The following TRIML1 variants were observed in gnomAD, a reference collection of about 807,000 sequenced individuals.
TRIML1 encodes the protein probable E3 ubiquitin-protein ligase TRIML1.
In TRIML1, 34 loss-of-function variants were observed where a neutral mutation model predicts 32.3. The ratio of observed to expected loss-of-function variants is 1.05; its 90% CI spans 0.80 to 1.40. The LOEUF is 1.40. Ranked by LOEUF, TRIML1 falls within the 40% of genes most tolerant of loss-of-function variation. The probability of loss-of-function intolerance (pLI) is 0.00; values close to 1 mark genes in which losing one functional copy is unlikely to be tolerated. For synonymous variants in TRIML1, 244 were observed against 226.6 expected, an observed-to-expected ratio of 1.08 and a Z score of -0.69; for missense variants, 595 against 574.9, an observed-to-expected ratio of 1.03 and a Z score of -0.36.
At chr4:188,143,402 T>A in intron 3 of TRIML1, 1 of 173,916 alleles carries the variant, frequency 5.7e-6, no homozygotes, top group East Asian at 1.6e-4. Context: ...CAGCTTCAGG[T>A]CTGTTTTGTA....
At chr4:188,138,767 G>A (rs1467823240), upstream of TRIML1, among the ~76,000 whole-genome samples, 1 of 72,986 alleles carries the variant, frequency 1.4e-5, no homozygotes, top group African/African-American at 3.5e-5. Flanking sequence ...CTGCTCCATA[G>A]TGGGATAGCC....
In TRIML1 at chr4:188,139,945, C is replaced by T. The variant is rs138508820; in HGVS notation, c.387C>T (p.Ser129=). Residue 129 remains serine (S), a synonymous_variant, in exon 1 of 6, where the codon AGC becomes AGT. Transcript: ENST00000332517. ...GTGCAAACAGAGTGCATCTCTCCAG[C>T]GAGGCTGAGGAGCATCACAGAGTAA... The part of the protein sequence containing the change: ...SHGANRVHLS[S]EAEEHHREKL... The T allele has an allele frequency of 1.2e-5, 19 of 1,610,192 alleles. No individual in the cohort carries two copies. The highest frequency in any genetic ancestry group is 1.7e-4 in the Middle Eastern group (1 of 6,054).
chr4:188,150,362 C>A (rs1319804525), downstream of TRIML1, among the ~76,000 whole-genome samples: 1 of 151,794 alleles, frequency 6.6e-6, no homozygotes, highest in African/African-American at 2.4e-5. Context: ...TTCCTGACCT[C>A]AAGTGATCCA....
chr4:188,147,786 G>A (rs148245409), downstream of TRIML1: 59 of 154,586 alleles, frequency 3.8e-4, no homozygotes, highest in African/African-American at 1.2e-3. Context: ...GCAGAGCTCC[G>A]CATGCTGGGG....
downstream of TRIML1, among the ~76,000 whole-genome samples, chr4:188,149,952 G>C (rs11941025): frequency 7.3e-3 from 1,100 of 151,612 alleles, 18 homozygotes; most frequent in African/African-American, 0.026. Flanking sequence ...ACAGGTGCTC[G>C]CGCACCACCA....
chr4:188,141,765 G>T (rs967015634), intron 2 of TRIML1, among the ~76,000 whole-genome samples: 1 of 151,986 alleles, frequency 6.6e-6, no homozygotes, highest in South Asian at 2.1e-4. Context: ...TACACCCAGC[G>T]CATCAACAGA....
At chr4:188,144,778 A>G (rs955875817) in intron 5 of TRIML1, among the ~76,000 whole-genome samples, 7 of 152,014 alleles carry the variant, frequency 4.6e-5, no homozygotes, top group African/African-American at 1.7e-4. Context: ...TCCCGTTAGG[A>G]TGAAAGCTGA....
At chr4:188,140,135 T>C (rs773495102) in intron 1 of TRIML1, among the ~76,000 whole-genome samples, 169 bp downstream of exon 1, 502 of 89,472 alleles carry the variant, frequency 5.6e-3, no homozygotes, top group Non-Finnish European at 9.9e-3. Context: ...CCTTTTTTTG[T>C]TTTTGAGACA....
Position 188,147,219 on chromosome 4 carries a change from A to G in TRIML1, c.1254A>G (p.Ile418Met), listed in dbSNP as rs1457248887. ...GVFLDYESGH[I>M]AFYNGTDESL... ...TCCTGGACTATGAATCTGGACATAT[A>G]GCATTCTACAACGGGACGGATGAAT... The change falls in exon 6 of 6, where the codon ATA becomes ATG. Residue 418 changes from isoleucine (I) to methionine (M), a missense_variant. Transcript: ENST00000332517. 1.9e-6 allele frequency: 3 copies of G among 1,613,334 alleles called. No individual in the cohort carries two copies. In the East Asian group the frequency reaches 6.7e-5, roughly 36 times the overall value.
chr4:188,145,680 C>T (rs563105771), intron 5 of TRIML1, among the ~76,000 whole-genome samples: 44 of 151,384 alleles, frequency 2.9e-4, no homozygotes, highest in Non-Finnish European at 4.6e-4. Context: ...AAAAACTAGC[C>T]GGGCGTGGTG....
chr4:188,142,207 C>CATGTGTGT (rs3222418), intron 2 of TRIML1, 45 bp from the exon 3 acceptor site: 2 of 898,246 alleles, frequency 2.2e-6, no homozygotes, highest in African/African-American at 3.7e-5. Context: ...AACTTTATCT[C>CATGTGTGT]GTGTGTGTGT....
chr4:188,149,149 G>C (rs1227717339), downstream of TRIML1, among the ~76,000 whole-genome samples: 1 of 151,180 alleles, frequency 6.6e-6, no homozygotes, highest in African/African-American at 2.4e-5. Context: ...TTGATCTCCT[G>C]ACCTCGTGAT....
In TRIML1 at chr4:188,139,478, T is replaced by C; in HGVS notation, c.-81T>C. 7.0e-7 allele frequency: 1 copy of C among 1,428,794 alleles called. No homozygotes were observed. Among genetic ancestry groups the C allele is most frequent in the South Asian group, 1.4e-5 (1 of 72,054 alleles). The allele number at this position is 1,428,794 out of a possible 1,614,324, so 88.5% of individuals were successfully genotyped here. A position where few individuals can be genotyped will look rare whatever the true frequency, so the allele number is the denominator to read the frequency against. On this transcript the variant is annotated 5_prime_UTR_variant, in exon 1 of 6. Transcript: ENST00000332517. ...TAGGAACAGGTCACCCGCGTGTTACTCAAAACTGTAGGACGGCAGTGAGGG... is the reference window on the plus strand; with the variant it reads ...TAGGAACAGGTCACCCGCGTGTTACCCAAAACTGTAGGACGGCAGTGAGGG...
In TRIML1 at chr4:188,139,749, A is replaced by T; in HGVS notation, c.191A>T (p.His64Leu). Residue 64 changes from histidine to leucine, a missense_variant, in exon 1 of 6, where the codon CAT becomes CTT. Transcript: ENST00000332517. ...TGCTGGAGGACCTTGGAGGGCCCGCATTTCCAGTCAAACGAGCGTCTGGGG... is the reference window on the plus strand; with the variant it reads ...TGCTGGAGGACCTTGGAGGGCCCGCTTTTCCAGTCAAACGAGCGTCTGGGG... ...PECWRTLEGP[H>L]FQSNERLGRL... The T allele has an allele frequency of 6.2e-7, 1 of 1,613,908 alleles. No homozygotes were observed. The highest frequency in any genetic ancestry group is 8.5e-7 in the Non-Finnish European group (1 of 1,179,978).
downstream of TRIML1, among the ~76,000 whole-genome samples, chr4:188,149,198 C>T (rs567212994): frequency 2.6e-4 from 39 of 151,906 alleles, no homozygotes; most frequent in South Asian, 7.5e-3. Flanking sequence ...GGATTCCAGG[C>T]GTGAGCCCCC....
At chr4:188,141,255 C>T (rs1206652975) in intron 2 of TRIML1, among the ~76,000 whole-genome samples, 1 of 150,836 alleles carries the variant, frequency 6.6e-6, no homozygotes, top group Non-Finnish European at 1.5e-5. Context: ...GCAACCTCCA[C>T]CTCCCGGGTT....
chr4:188,150,025 T>C (rs1027237470), downstream of TRIML1, among the ~76,000 whole-genome samples: 5 of 152,200 alleles, frequency 3.3e-5, no homozygotes, highest in Admixed American at 6.6e-5. Flanking sequence ...AGGATGGTCT[T>C]GATCTCCTGA....
In TRIML1 at chr4:188,144,128, T is replaced by C; in HGVS notation, c.851T>C (p.Phe284Ser). The C allele has an allele frequency of 6.2e-7, 1 of 1,613,766 alleles. No homozygotes were observed. The highest frequency in any genetic ancestry group is 2.2e-5 in the East Asian group (1 of 44,868). The change falls in exon 5 of 6, where the codon TTC becomes TCC. Residue 284 changes from phenylalanine to serine, a missense_variant. Phe to Ser is a radical substitution (Grantham distance 155). Coordinates refer to ENST00000332517, the MANE Select transcript of TRIML1 (RefSeq NM_178556.5). Reference protein sequence around the residue: ...ITGMKEMLRKFSTEITLDPAT... With the variant: ...ITGMKEMLRKSSTEITLDPAT... ...GGAATGAAGGAGATGCTAAGAAAAT[T>C]CAGCAGTAAGTCAGCCTGATTTGTT...
In TRIML1 at chr4:188,140,314, G is replaced by T. The variant is rs530195035; in HGVS notation, c.409-214G>T. 2.0e-5 allele frequency among the ~76,000 whole-genome samples: 3 copies of T among 152,102 alleles called. No homozygotes were observed. The East Asian group carries it at 5.8e-4, about 30-fold the overall frequency. ...TTTTTGTATTTTTAATAGAGACGGGGTTTCACCATGTTGGCCAGGCTGGTC... is the reference window on the plus strand; with the variant it reads ...TTTTTGTATTTTTAATAGAGACGGGTTTTCACCATGTTGGCCAGGCTGGTC... On this transcript the variant is annotated intron_variant, in intron 1 of 5. Coordinates refer to ENST00000332517, the MANE Select transcript of TRIML1 (RefSeq NM_178556.5).
Sources: gnomAD v4.1 joint callset for allele counts (sites outside exome capture counted in the v4.1 genomes callset) on GRCh38, gnomAD v4.1.1 for gene constraint, MANE v1.5 for transcripts, NCBI Gene and HGNC (gene_info 2026-07-23, HGNC 2026-07-21) for gene names.